Variants in INTS10 observed in about 807,000 individuals in gnomAD.
The protein encoded by INTS10 is integrator complex subunit 10.
INTS10 carries 44 observed loss-of-function variants against 94.4 expected under a neutral mutation model. The observed-to-expected ratio is 0.47, with a 90% CI of 0.37 to 0.60. INTS10 has a LOEUF of 0.60. INTS10 is among the 20% of genes least tolerant of loss of function. INTS10 has a pLI of 0.00. For synonymous variants in INTS10, 341 were observed against 320.7 expected (o/e 1.06, Z -0.68); for missense variants, 797 against 868.7 (o/e 0.92, Z 1.04).
intron 15 of INTS10, among the ~76,000 whole-genome samples, chr8:19,844,959 G>A (rs1279279124): frequency 6.6e-6 from 1 of 151,854 alleles, no homozygotes; most frequent in African/African-American, 2.4e-5. Context: ...GTGTAGTGGT[G>A]TGATCATAGC....
chr8:19,826,375 C>G (rs750116106), intron 8 of INTS10, 51 bp from the exon 9 acceptor site: 1 of 1,557,234 alleles, frequency 6.4e-7, no homozygotes, highest in Non-Finnish European at 8.7e-7. Context: ...AGCCACCGCG[C>G]CTGGCCTCCT....
Position 19,837,066 on chromosome 8 carries a change from A to C in INTS10, c.1545A>C (p.Lys515Asn). 6.2e-7 allele frequency: 1 copy of C among 1,611,804 alleles called. No homozygotes were observed. The highest frequency in any genetic ancestry group is 8.5e-7 in the Non-Finnish European group (1 of 1,177,884). ...TTCTGCTTTAGATGACATGTGAAAA[A>C]GTCCTTGATTTGATGTGCTACATGG... is the stretch of plus-strand genomic sequence containing the variant. ...ALGEYRMTCE[K>N]VLDLMCYMVL... The change falls in exon 13 of 17, where the codon AAA becomes AAC. Residue 515 changes from lysine (K) to asparagine (N), a missense_variant. Transcript: ENST00000397977.
chr8:19,819,669 T>C lies in INTS10; in HGVS notation c.294T>C (p.Phe98=), dbSNP rs2066212733. ...RNDSQDKQTQ[F]LRSLFETLPG... is the part of the protein sequence containing the mutation. ...ATTCACAGGACAAACAAACCCAATT[T>C]TTAAGAAGTAAGAATAATGGTGTAT... Residue 98 remains phenylalanine, a synonymous_variant, in exon 3 of 17, where the codon TTT becomes TTC. Transcript: ENST00000397977. 6.2e-7 allele frequency: 1 copy of C among 1,607,972 alleles called. No individual in the cohort carries two copies. Among genetic ancestry groups the C allele is most frequent in the Admixed American group, 1.7e-5 (1 of 59,990 alleles).
chr8:19,830,217 G>A (rs1344682095), intron 9 of INTS10, among the ~76,000 whole-genome samples, 189 bp from the exon 10 acceptor site: 2 of 147,236 alleles, frequency 1.4e-5, no homozygotes, highest in Non-Finnish European at 1.5e-5. Context: ...AAAATGGAAT[G>A]TGTGAGAGTA....
intron 9 of INTS10, 104 bp from the exon 10 acceptor site, chr8:19,830,302 G>A: frequency 1.1e-6 from 1 of 925,098 alleles, no homozygotes; most frequent in Non-Finnish European, 1.5e-6. Context: ...GGTATCCTTT[G>A]ATATAAAATT....
chr8:19,832,184 C>A, intron 11 of INTS10, 74 bp downstream of exon 11: 1 of 820,478 alleles, frequency 1.2e-6, no homozygotes, highest in Non-Finnish European at 2.2e-6. Context: ...CTTTCCTATG[C>A]AGAATGTGTC....
At chr8:19,823,596 A>C (rs1211512987) in intron 6 of INTS10, 155 bp downstream of exon 6, 2 of 655,442 alleles carry the variant, frequency 3.1e-6, no homozygotes, top group Non-Finnish European at 5.1e-6. Flanking sequence ...CTAAAAGATG[A>C]GGCTTTTCTG....
intron 4 of INTS10, chr8:19,822,214 A>G (rs1243205627): frequency 6.2e-6 from 2 of 322,554 alleles, no homozygotes; most frequent in African/African-American, 4.2e-5. Context: ...AATTATGAAG[A>G]GAATAACCAA....
chr8:19,841,765 C>A (rs550503001), intron 13 of INTS10: 2 of 448,362 alleles, frequency 4.5e-6, no homozygotes, highest in African/African-American at 2.0e-5. Flanking sequence ...ATTAAATGTA[C>A]CTCGCGTCCT....
intron 7 of INTS10, chr8:19,824,499 G>GAA: frequency 2.5e-5 from 5 of 200,054 alleles, no homozygotes; most frequent in East Asian, 1.2e-4. Context: ...CTCTAAAAAA[G>GAA]AAAAAAAAAA....
At position 19,851,816 on chromosome 8, in the gene INTS10, T is replaced by A; in HGVS notation, c.*11T>A. On this transcript the variant is annotated 3_prime_UTR_variant, in exon 17 of 17. Coordinates refer to ENST00000397977, the MANE Select transcript of INTS10 (RefSeq NM_018142.4). This position sits in a 1 kb window ranked among gnomAD's most constrained non-coding sequence, Gnocchi z 5.0. ...CAGACTCTGACCTGAGTGGAGACCT[T>A]TCCACCAGACACAGCTCGGGCCTGT... 1 of 1,613,044 alleles carries A rather than the reference T, an allele frequency of 6.2e-7. No individual in the cohort carries two copies. Among genetic ancestry groups the A allele is most frequent in the Non-Finnish European group, 8.5e-7 (1 of 1,179,064 alleles).
chr8:19,822,201 G>C (rs2066432938), intron 4 of INTS10: 1 of 293,072 alleles, frequency 3.4e-6, no homozygotes, highest in South Asian at 1.0e-4. Flanking sequence ...ATTAGAATTT[G>C]CTAATTATGA....
intron 15 of INTS10, among the ~76,000 whole-genome samples, chr8:19,844,623 TG>T (rs1313958787): frequency 6.6e-6 from 1 of 152,190 alleles, no homozygotes; most frequent in Non-Finnish European, 1.5e-5. Context: ...CTGGGGACAG[TG>T]GCTGTGCCCT....
At chr8:19,845,636 C>T in intron 15 of INTS10, 68 bp from the exon 16 acceptor site, 1 of 1,095,202 alleles carries the variant, frequency 9.1e-7, no homozygotes, top group Non-Finnish European at 1.4e-6. Flanking sequence ...ACTGCCGAGA[C>T]CCCATTTCCT....
At chr8:19,818,239 G>C (rs1376482942) in intron 1 of INTS10, 36 bp from the exon 2 acceptor site, 2 of 1,609,256 alleles carry the variant, frequency 1.2e-6, no homozygotes, top group Non-Finnish European at 1.7e-6. Context: ...CTTCTGGGCA[G>C]GGGTGAGTGA....
At chr8:19,830,891 C>T (rs1047028916) in intron 10 of INTS10, among the ~76,000 whole-genome samples, 6 of 152,180 alleles carry the variant, frequency 3.9e-5, no homozygotes, top group Non-Finnish European at 8.8e-5. Flanking sequence ...TCAGGCTGGT[C>T]TTGAACTCCT....
chr8:19,845,300 C>T (rs978769279), intron 15 of INTS10: 1 of 163,054 alleles, frequency 6.1e-6, no homozygotes, highest in Non-Finnish European at 1.4e-5. Flanking sequence ...AAGAATCCTC[C>T]CTACTTTCAC....
intron 9 of INTS10, among the ~76,000 whole-genome samples, chr8:19,828,753 T>G (rs1462836105): frequency 1.3e-5 from 2 of 151,960 alleles, no homozygotes; most frequent in Non-Finnish European, 2.9e-5. Flanking sequence ...GACAAGGTCT[T>G]TCTATGTTGC....
intron 2 of INTS10, 33 bp from the exon 3 acceptor site, chr8:19,819,538 GAC>G: frequency 6.6e-7 from 1 of 1,509,686 alleles, no homozygotes; most frequent in Non-Finnish European, 9.1e-7. Context: ...TATAGACTTT[GAC>G]ATTTTAATTT....
Sources: allele counts gnomAD v4.1 joint callset (sites outside exome capture counted in the v4.1 genomes callset), GRCh38; gene constraint gnomAD v4.1.1; non-coding constraint Gnocchi (gnomAD v3.1); transcripts MANE v1.5; gene names NCBI Gene and HGNC (gene_info 2026-07-23, HGNC 2026-07-21).